The following KPNA6 variants were observed in gnomAD, a reference collection of about 807,000 sequenced individuals.
KPNA6 encodes the protein importin subunit alpha-7.
KPNA6 carries 9 observed loss-of-function variants against 72.0 expected under a neutral mutation model. The observed-to-expected ratio is 0.13, with a 90% CI of 0.08 to 0.22. The LOEUF is 0.22. Among genes scored for constraint, KPNA6 ranks in the 10% least tolerant of loss-of-function variants. KPNA6 has a pLI of 1.00. For synonymous variants in KPNA6, 219 were observed against 242.1 expected (o/e 0.90, Z 0.89); for missense variants, 374 against 655.7 (o/e 0.57, Z 4.69).
At position 32,154,313 on chromosome 1, in the gene KPNA6, G is replaced by C. The variant is rs1467069199; in HGVS notation, c.5-275G>C. On this transcript the variant is annotated intron_variant, in intron 1 of 13. Coordinates refer to ENST00000373625, the MANE Select transcript of KPNA6 (RefSeq NM_012316.5). The stretch of plus-strand genomic sequence containing the variant: ...GCACAGCTAACAAGTAGAAGGGTCA[G>C]GATGTGAACCCAGACAATCTGTCTC... 3.3e-5 allele frequency among the ~76,000 whole-genome samples: 5 copies of C among 152,090 alleles called. No individual in the cohort carries two copies. In the East Asian group the frequency reaches 7.7e-4, roughly 23 times the overall value.
chr1:32,164,088 C>T (rs1204400611), intron 10 of KPNA6, among the ~76,000 whole-genome samples: 2 of 152,160 alleles, frequency 1.3e-5, no homozygotes. Context: ...GCCTAGTAAC[C>T]ACCATTCTAT....
rs1005199904 is a variant in KPNA6, at chr1:32,175,901, C to G, written c.*5007C>G. The G allele has an allele frequency of 6.6e-6, 1 of 151,594 alleles. No individual in the cohort carries two copies. Among genetic ancestry groups the G allele is most frequent in the African/African-American group, 2.4e-5 (1 of 41,208 alleles). The allele number at this position is 151,594 out of a possible 1,614,324, so 9.4% of individuals were successfully genotyped here. On this transcript the variant is annotated 3_prime_UTR_variant, in exon 14 of 14. Transcript: ENST00000373625. ...TCACTTGAGGTTAGGGGTTCAAAAC[C>G]AGCCTGACCAACATAGTAAAACCCC...
chr1:32,166,282 G>A, intron 11 of KPNA6, 52 bp downstream of exon 11: 1 of 1,565,588 alleles, frequency 6.4e-7, no homozygotes, highest in Non-Finnish European at 8.6e-7. Flanking sequence ...GAACTTGGGA[G>A]GTTGTTGGAA....
At chr1:32,166,348 C>A in intron 11 of KPNA6, 118 bp downstream of exon 11, 1 of 1,250,138 alleles carries the variant, frequency 8.0e-7, no homozygotes, top group Non-Finnish European at 1.1e-6. Flanking sequence ...GTCAATTGGC[C>A]AGGCACGGTG....
chr1:32,142,670 T>G (rs760758239), intron 1 of KPNA6, among the ~76,000 whole-genome samples: 1 of 152,284 alleles, frequency 6.6e-6, no homozygotes, highest in Middle Eastern at 3.4e-3. Flanking sequence ...GTTCCTTGAC[T>G]AAGAAAACCC....
chr1:32,158,183 C>A, intron 4 of KPNA6, 84 bp from the exon 5 acceptor site: 1 of 844,010 alleles, frequency 1.2e-6, no homozygotes, highest in Non-Finnish European at 2.0e-6. Flanking sequence ...TCAGAAGTGT[C>A]TAAGAAGGAT....
At chr1:32,109,792 C>T (rs1202675944) in intron 1 of KPNA6, among the ~76,000 whole-genome samples, 5 of 151,534 alleles carry the variant, frequency 3.3e-5, no homozygotes, top group Non-Finnish European at 7.4e-5. Flanking sequence ...CTACAGGTGC[C>T]CGCCACCACG....
At chr1:32,135,777 T>C (rs540458779) in intron 1 of KPNA6, among the ~76,000 whole-genome samples, 11 of 151,490 alleles carry the variant, frequency 7.3e-5, no homozygotes, top group African/African-American at 1.7e-4. Context: ...CATAGAGTTA[T>C]GGGGTTTTTT....
intron 1 of KPNA6, among the ~76,000 whole-genome samples, chr1:32,134,117 A>T (rs970498045): frequency 3.0e-4 from 46 of 150,974 alleles, no homozygotes; most frequent in African/African-American, 9.2e-4. Flanking sequence ...TATTTAAAAA[A>T]TGGGTGGTGG....
Position 32,154,627 on chromosome 1 carries a change from A to G in KPNA6, c.44A>G (p.Lys15Arg), listed in dbSNP as rs1427457708. 1 of 1,614,076 alleles carries G rather than the reference A, an allele frequency of 6.2e-7. No homozygotes were observed. The highest frequency in any genetic ancestry group is 8.5e-7 in the Non-Finnish European group (1 of 1,179,962). ...ASPGKDNYRM[K>R]SYKNNALNPE... ...CCAGGGAAAGACAATTATCGAATGA[A>G]GAGCTATAAGAACAATGCTCTAAAC... The change falls in exon 2 of 14, where the codon AAG (lysine) becomes AGG (arginine). Residue 15 changes from lysine (K) to arginine (R), a missense_variant. This residue lies in a region of KPNA6 where 298 missense variants were observed against 495.4 expected (regional missense o/e 0.60). Transcript: ENST00000373625.
At chr1:32,115,374 G>A (rs1641312973) in intron 1 of KPNA6, among the ~76,000 whole-genome samples, 1 of 151,846 alleles carries the variant, frequency 6.6e-6, no homozygotes, top group South Asian at 2.1e-4. Context: ...TCCTGACCTC[G>A]TGATCCGCCC....
chr1:32,115,780 G>A (rs1641318708), intron 1 of KPNA6, among the ~76,000 whole-genome samples: 1 of 152,050 alleles, frequency 6.6e-6, no homozygotes, highest in African/African-American at 2.4e-5. Context: ...GAGTCTCACT[G>A]TCGCCCAGGC....
intron 1 of KPNA6, among the ~76,000 whole-genome samples, chr1:32,127,635 A>G (rs976310866): frequency 7.2e-5 from 11 of 152,244 alleles, no homozygotes; most frequent in African/African-American, 2.4e-4. Flanking sequence ...AGGGTACTGC[A>G]GAATAGAGGC....
Position 32,170,949 on chromosome 1 carries a change from C to A in KPNA6, c.*55C>A. On this transcript the variant is annotated 3_prime_UTR_variant, in exon 14 of 14. Transcript: ENST00000373625. ...GAAGCACCACCAGCCAGCGGAAGAG[C>A]AGCCCTCTGGTGGGCGGGAAACCAG... The A allele has an allele frequency of 6.5e-7, 1 of 1,531,010 alleles. No homozygotes were observed. The highest frequency in any genetic ancestry group is 9.0e-7 in the Non-Finnish European group (1 of 1,108,252). The allele number at this position is 1,531,010 out of a possible 1,614,324, so 94.8% of individuals were successfully genotyped here.
At chr1:32,115,539 A>G (rs1641315606) in intron 1 of KPNA6, among the ~76,000 whole-genome samples, 1 of 151,130 alleles carries the variant, frequency 6.6e-6, no homozygotes, top group Admixed American at 6.6e-5. Flanking sequence ...GGATCCCCCC[A>G]CGTCAGCCTT....
At chr1:32,125,991 A>C (rs1034612390) in intron 1 of KPNA6, among the ~76,000 whole-genome samples, 109 of 151,510 alleles carry the variant, frequency 7.2e-4, no homozygotes, top group Middle Eastern at 6.8e-3. Flanking sequence ...AAAAAAAAAA[A>C]AAAAAAAAAA....
At chr1:32,127,145 C>T (rs1407172461) in intron 1 of KPNA6, among the ~76,000 whole-genome samples, 1 of 152,136 alleles carries the variant, frequency 6.6e-6, no homozygotes, top group Non-Finnish European at 1.5e-5. Flanking sequence ...ATGAGAAATA[C>T]CCCTGTTTTA....
chr1:32,165,636 A>G (rs570442637), intron 10 of KPNA6, among the ~76,000 whole-genome samples: 1 of 152,300 alleles, frequency 6.6e-6, no homozygotes, highest in East Asian at 1.9e-4. Context: ...TGGGAGGTCA[A>G]GGCTGCAGTA....
intron 7 of KPNA6, among the ~76,000 whole-genome samples, chr1:32,160,919 G>A (rs1027202691): frequency 2.0e-5 from 3 of 152,192 alleles, no homozygotes; most frequent in Admixed American, 6.5e-5. Context: ...CACTTTGGTA[G>A]GCCAGAGCAG....
Sources: allele counts gnomAD v4.1 joint callset (sites outside exome capture counted in the v4.1 genomes callset), GRCh38; gene constraint gnomAD v4.1.1; regional missense constraint gnomAD v4.1.1; transcripts MANE v1.5; gene names NCBI Gene and HGNC (gene_info 2026-07-23, HGNC 2026-07-21).